Variants in NAV3 observed in about 807,000 individuals in gnomAD.
NAV3 encodes pore membrane and/or filament interacting like protein 1.
In NAV3, 87 loss-of-function variants were observed where a neutral mutation model predicts 244.7. The observed-to-expected ratio is 0.36, with a 90% CI of 0.30 to 0.42. The LOEUF is 0.42. Among genes scored for constraint, NAV3 ranks in the 20% least tolerant of loss-of-function variants. NAV3 has a pLI of 1.00. For missense variants in NAV3, 2,663 were observed against 2,893.3 expected (o/e 0.92, Z 1.83); for synonymous variants, 1,126 against 1,042.2 (o/e 1.08, Z -1.55).
chr12:78,023,665 G>A (rs1877524827), intron 9 of NAV3, among the ~76,000 whole-genome samples: 1 of 152,204 alleles, frequency 6.6e-6, no homozygotes, highest in South Asian at 2.1e-4. Context: ...GAAGAATTGT[G>A]ATATTATTTG....
intron 12 of NAV3, 36 bp downstream of exon 12, chr12:78,059,151 A>G (rs1883942659): frequency 6.3e-7 from 1 of 1,585,356 alleles, no homozygotes; most frequent in Non-Finnish European, 8.6e-7. Flanking sequence ...TGAGACATGC[A>G]TGAAGTAATT....
chr12:77,631,046 A>T (rs1341057594), intron 2 of NAV3, among the ~76,000 whole-genome samples: 1 of 152,196 alleles, frequency 6.6e-6, no homozygotes, highest in East Asian at 1.9e-4. Flanking sequence ...TTCTGTGTTT[A>T]AGGAGAAACC....
chr12:78,055,603 A>G (rs1325258562), intron 11 of NAV3, among the ~76,000 whole-genome samples: 4 of 152,198 alleles, frequency 2.6e-5, no homozygotes, highest in Admixed American at 6.5e-5. Flanking sequence ...AATAAGATGG[A>G]TGGTAATTCT....
At chr12:78,176,514 G>A in intron 26 of NAV3, 55 bp downstream of exon 26, 1 of 1,569,330 alleles carries the variant, frequency 6.4e-7, no homozygotes. Context: ...CCCTACCTTG[G>A]CATGAATGCT....
chr12:78,175,241 A>C, intron 24 of NAV3, 65 bp from the exon 25 acceptor site: 1 of 1,567,370 alleles, frequency 6.4e-7, no homozygotes, highest in Non-Finnish European at 8.7e-7. Context: ...AAAAGACCTA[A>C]AAGACTTATT....
At chr12:77,834,373 T>C (rs1228871722) in intron 1 of NAV3, among the ~76,000 whole-genome samples, 1 of 152,234 alleles carries the variant, frequency 6.6e-6, no homozygotes, top group African/African-American at 2.4e-5. Flanking sequence ...TTTATGGGTT[T>C]ATAGTTCTCA....
At chr12:78,154,297 TACTATATA>T (rs1957204087) in intron 22 of NAV3, among the ~76,000 whole-genome samples, 1 of 78,980 alleles carries the variant, frequency 1.3e-5, no homozygotes, top group Non-Finnish European at 2.6e-5. Flanking sequence ...TACTATATAT[TACTATATA>T]ATATATAGTA....
At chr12:77,973,102 T>C (rs1273532612) in intron 5 of NAV3, among the ~76,000 whole-genome samples, 1 of 152,214 alleles carries the variant, frequency 6.6e-6, no homozygotes, top group African/African-American at 2.4e-5. Flanking sequence ...CTAAAAGCTT[T>C]TTTAAAAGAC....
intron 2 of NAV3, among the ~76,000 whole-genome samples, chr12:77,824,350 C>A (rs1270309699): frequency 1.3e-5 from 2 of 150,408 alleles, no homozygotes; most frequent in Non-Finnish European, 2.9e-5. Context: ...GCCTTGGCCT[C>A]CCAAAGTGCT....
At chr12:77,649,282 T>C (rs1034830834) in intron 2 of NAV3, among the ~76,000 whole-genome samples, 9 of 152,284 alleles carry the variant, frequency 5.9e-5, no homozygotes, top group African/African-American at 1.9e-4. Flanking sequence ...TCATTTGATC[T>C]GCGGCTGTTC....
At chr12:77,975,225 T>A (rs945420955) in intron 5 of NAV3, among the ~76,000 whole-genome samples, 1 of 152,148 alleles carries the variant, frequency 6.6e-6, no homozygotes, top group East Asian at 1.9e-4. Context: ...ACCATTTTCA[T>A]TGGATTCACA....
intron 16 of NAV3, among the ~76,000 whole-genome samples, chr12:78,126,235 T>G (rs1955900564): frequency 6.6e-6 from 1 of 152,214 alleles, no homozygotes; most frequent in Non-Finnish European, 1.5e-5. Flanking sequence ...TAGCTTTGGT[T>G]TGAGTGATCA....
Position 78,184,983 on chromosome 12 carries a change from T to C in NAV3, c.5693-618T>C, listed in dbSNP as rs112667052. Among the ~76,000 whole-genome samples the C allele has an allele frequency of 1.1e-3, 163 of 151,970 alleles. 1 individual carries two copies. The highest frequency in any genetic ancestry group is 3.5e-3 in the African/African-American group (147 of 41,540). On this transcript the variant is annotated intron_variant, in intron 30 of 39. Transcript: ENST00000397909. ...GGTAGCTAACTTTATCATGCTTCTG[T>C]AACTCTTAGCTGATTACTAGAAATA...
intron 2 of NAV3, among the ~76,000 whole-genome samples, chr12:77,647,573 A>G (rs2136976776): frequency 6.6e-6 from 1 of 152,006 alleles, no homozygotes; most frequent in Non-Finnish European, 1.5e-5. Context: ...GTATCATTCT[A>G]GAAACACTTG....
At position 78,049,729 on chromosome 12, in the gene NAV3, A is replaced by G. The variant is rs145239096; in HGVS notation, c.2024-264A>G. ...ATGGATTAGTAAACAGCATATTTCC[A>G]AGTGATTTTTTTTTATTTTAAGGTC... is the stretch of plus-strand genomic sequence containing the variant. On this transcript the variant is annotated intron_variant, in intron 9 of 39. Coordinates refer to ENST00000397909, the MANE Select transcript of NAV3 (RefSeq NM_001024383.2). Among the ~76,000 whole-genome samples, 743 of 150,812 alleles carry G rather than the reference A, an allele frequency of 4.9e-3. 1 individual carries two copies. The highest frequency in any genetic ancestry group is 0.018 in the African/African-American group (706 of 40,114).
At chr12:78,144,842 G>T (rs1446330890) in intron 20 of NAV3, among the ~76,000 whole-genome samples, 1 of 137,632 alleles carries the variant, frequency 7.3e-6, no homozygotes, top group African/African-American at 2.7e-5. Flanking sequence ...TAAAAAGTAG[G>T]CCGGGCACGG....
At chr12:77,792,147 G>A (rs573450515) in intron 2 of NAV3, among the ~76,000 whole-genome samples, 19 of 151,954 alleles carry the variant, frequency 1.3e-4, no homozygotes, top group Non-Finnish European at 2.4e-4. Context: ...CCTCCAAACT[G>A]TCTTTTTTAA....
intron 2 of NAV3, among the ~76,000 whole-genome samples, chr12:77,717,978 C>T (rs1230085891): frequency 1.3e-5 from 2 of 152,004 alleles, no homozygotes; most frequent in East Asian, 3.9e-4. Context: ...TGATATTAAC[C>T]CTGTATCAGA....
At chr12:77,584,585 C>G (rs1261589941) in intron 2 of NAV3, among the ~76,000 whole-genome samples, 1 of 152,130 alleles carries the variant, frequency 6.6e-6, no homozygotes, top group Non-Finnish European at 1.5e-5. Context: ...CAGCCTCCTG[C>G]ATTTTCCATT....
Sources: gnomAD v4.1 joint callset for allele counts (sites outside exome capture counted in the v4.1 genomes callset) on GRCh38, gnomAD v4.1.1 for gene constraint, MANE v1.5 for transcripts, NCBI Gene and HGNC (gene_info 2026-07-23, HGNC 2026-07-21) for gene names.